PDE6C: variants seen among roughly 807,000 people sequenced by gnomAD.
The protein encoded by PDE6C is phosphodiesterase 6C, also known as cone cGMP-specific 3',5'-cyclic phosphodiesterase subunit alpha'.
A neutral mutation model predicts 113.1 loss-of-function variants in PDE6C; 75 were observed. That is an observed-to-expected ratio of 0.66 (90% CI 0.55 to 0.80). The LOEUF is 0.80. PDE6C is among the 30% of genes least tolerant of loss of function. The pLI, the probability that PDE6C is intolerant of heterozygous loss-of-function variation, is 0.00. For missense variants in PDE6C, 912 were observed against 1,038.6 expected (o/e 0.88, Z 1.67); for synonymous variants, 375 against 363.7 (o/e 1.03, Z -0.35).
At chr10:93,662,847 TC>T (rs2058672302) in intron 20 of PDE6C, among the ~76,000 whole-genome samples, 180 bp from the exon 21 acceptor site, 1 of 152,076 alleles carries the variant, frequency 6.6e-6, no homozygotes, top group South Asian at 2.1e-4. Flanking sequence ...ACTGAACACT[TC>T]CTTAGGCAGG....
At chr10:93,615,231 G>C (rs1054952307) in intron 1 of PDE6C, among the ~76,000 whole-genome samples, 6 of 152,294 alleles carry the variant, frequency 3.9e-5, no homozygotes, top group African/African-American at 1.4e-4. Context: ...GGCCAAGGCT[G>C]CAGTGAGCTG....
chr10:93,621,303 G>A (rs767792135), intron 3 of PDE6C, among the ~76,000 whole-genome samples: 11 of 152,290 alleles, frequency 7.2e-5, no homozygotes, highest in Admixed American at 2.0e-4. Flanking sequence ...GACTATTAGC[G>A]ATTAGCTCTC....
Position 93,612,672 on chromosome 10 carries a change from G to T in PDE6C, c.-54G>T. ...TTTCCTTCTCATCACTCTGCCTCAG[G>T]TAGTGCTCTGAAGGTCGTCCTTTCT... is the stretch of plus-strand genomic sequence containing the variant. On this transcript the variant is annotated 5_prime_UTR_variant, in exon 1 of 22. Coordinates refer to ENST00000371447, the MANE Select transcript of PDE6C (RefSeq NM_006204.4). The T allele has an allele frequency of 1.2e-6, 2 of 1,611,146 alleles. No homozygotes were observed. The highest frequency in any genetic ancestry group is 1.7e-6 in the Non-Finnish European group (2 of 1,179,522).
At chr10:93,654,750 T>TTTTCTTTCTTTC (rs1218959114) in intron 15 of PDE6C, among the ~76,000 whole-genome samples, 1,235 of 120,694 alleles carry the variant, frequency 0.01, 32 homozygotes, top group Admixed American at 0.017. Flanking sequence ...TATATACTCA[T>TTTTCTTTCTTTC]TTTCTTTCTT....
intron 21 of PDE6C, among the ~76,000 whole-genome samples, chr10:93,664,135 G>C (rs2058679374): frequency 6.6e-6 from 1 of 152,154 alleles, no homozygotes; most frequent in African/African-American, 2.4e-5. Flanking sequence ...CCGGTGTTAG[G>C]CAGGCCCTGG....
chr10:93,630,438 C>T (rs1209396932), intron 8 of PDE6C, among the ~76,000 whole-genome samples: 1 of 151,366 alleles, frequency 6.6e-6, no homozygotes, highest in African/African-American at 2.4e-5. Context: ...CTCTACCTGC[C>T]CATCCCTCCT....
chr10:93,663,669 G>C (rs373560280), intron 21 of PDE6C, among the ~76,000 whole-genome samples: 76 of 123,404 alleles, frequency 6.2e-4, no homozygotes, highest in African/African-American at 1.9e-3. Context: ...GGCTGAAATT[G>C]CCGGTCTCCC....
chr10:93,623,465 T>C (rs2058458201), intron 4 of PDE6C, among the ~76,000 whole-genome samples: 1 of 152,242 alleles, frequency 6.6e-6, no homozygotes, highest in Non-Finnish European at 1.5e-5. Flanking sequence ...TTAATTTTAA[T>C]GAAGTCCAAT....
chr10:93,655,882 G>A (rs1251581484), intron 16 of PDE6C, 22 bp downstream of exon 16: 6 of 1,146,372 alleles, frequency 5.2e-6, no homozygotes, highest in Non-Finnish European at 1.3e-6. Flanking sequence ...ACTCTGCACA[G>A]TGGAATGCCC....
rs74150296 is a variant in PDE6C, at chr10:93,629,930, A to G, written c.1119+625A>G. On this transcript the variant is annotated intron_variant, in intron 8 of 21. Transcript: ENST00000371447. ...ATGGGCCAGTACTGGTTTATAGTCCAGGGATTGGGGACCCCTGATCTAAGG... is the reference window on the plus strand; with the variant it reads ...ATGGGCCAGTACTGGTTTATAGTCCGGGGATTGGGGACCCCTGATCTAAGG... 6.1e-3 allele frequency among the ~76,000 whole-genome samples: 924 copies of G among 152,204 alleles called. 7 individuals are homozygous for G. Among genetic ancestry groups the G allele is most frequent in the African/African-American group, 0.021 (865 of 41,546 alleles).
intron 1 of PDE6C, among the ~76,000 whole-genome samples, chr10:93,615,897 G>C (rs941319285): frequency 1.3e-5 from 2 of 152,120 alleles, no homozygotes; most frequent in African/African-American, 4.8e-5. Context: ...TATATCCCCC[G>C]GGTCCATGGT....
At chr10:93,632,196 A>G (rs1685836360) in intron 8 of PDE6C, among the ~76,000 whole-genome samples, 1 of 152,158 alleles carries the variant, frequency 6.6e-6, no homozygotes, top group Non-Finnish European at 1.5e-5. Flanking sequence ...TTGTAATTAC[A>G]TTGGGTCCAC....
At chr10:93,629,157 A>G (rs2857300) in intron 7 of PDE6C, 101 bp from the exon 8 acceptor site, 324,939 of 976,378 alleles carry the variant, frequency 0.33, 55,754 homozygotes, top group East Asian at 0.46. Context: ...AGCCGTGTAG[A>G]AAATCCTCAC....
intron 1 of PDE6C, among the ~76,000 whole-genome samples, chr10:93,615,886 G>A (rs1323227253): frequency 6.6e-6 from 1 of 152,174 alleles, no homozygotes; most frequent in Non-Finnish European, 1.5e-5. Flanking sequence ...CATAGGAGTT[G>A]TATATCCCCC....
At chr10:93,654,913 T>A (rs1175966815) in intron 15 of PDE6C, among the ~76,000 whole-genome samples, 1 of 151,220 alleles carries the variant, frequency 6.6e-6, no homozygotes, top group African/African-American at 2.4e-5. Context: ...CGTTAAGCAA[T>A]CCTACCACCT....
At chr10:93,629,232 A>T in intron 7 of PDE6C, 26 bp from the exon 8 acceptor site, 1 of 1,584,956 alleles carries the variant, frequency 6.3e-7, no homozygotes, top group Non-Finnish European at 8.7e-7. Flanking sequence ...AATATTTCAG[A>T]CCATTTGTCT....
In PDE6C at chr10:93,635,500, C is replaced by G; in HGVS notation, c.1273C>G (p.Leu425Val). The G allele has an allele frequency of 6.2e-7, 1 of 1,611,502 alleles. No individual in the cohort carries two copies. Among genetic ancestry groups the G allele is most frequent in the Non-Finnish European group, 8.5e-7 (1 of 1,177,686 alleles). The stretch of plus-strand genomic sequence containing the variant: ...AATCACCTTTTATCCATTTCAGACT[C>G]TCACACAATTTCTTGGATGGTCTCT... ...DEHDEYITET[L>V]TQFLGWSLLN... Residue 425 changes from leucine (L) to valine (V), a missense_variant, in exon 10 of 22, where the codon CTC becomes GTC. By Grantham distance (32) the Leu-to-Val change is conservative (BLOSUM62 1). Transcript: ENST00000371447.
chr10:93,635,740 A>T (rs2058525923), intron 10 of PDE6C, 100 bp downstream of exon 10: 14 of 1,254,370 alleles, frequency 1.1e-5, no homozygotes, highest in Non-Finnish European at 1.5e-5. Context: ...CAAATGGTTT[A>T]CTCCTGGGCT....
intron 14 of PDE6C, among the ~76,000 whole-genome samples, chr10:93,642,059 G>A (rs1317118487): frequency 2.6e-5 from 4 of 152,098 alleles, no homozygotes; most frequent in Admixed American, 2.6e-4. Context: ...TAGGATCTTG[G>A]CAGTTAATAA....
Sources: gnomAD v4.1 joint callset for allele counts (sites outside exome capture counted in the v4.1 genomes callset) on GRCh38, gnomAD v4.1.1 for gene constraint, MANE v1.5 for transcripts, NCBI Gene and HGNC (gene_info 2026-07-23, HGNC 2026-07-21) for gene names.